The following ABCC8 variants were observed in gnomAD, a reference collection of about 807,000 sequenced individuals.
ABCC8 encodes the protein ATP binding cassette subfamily C member 8, also known as ATP-binding cassette sub-family C member 8.
In ABCC8, 137 loss-of-function variants were observed where a neutral mutation model predicts 188.0. The ratio of observed to expected loss-of-function variants is 0.73; its 90% CI spans 0.63 to 0.84. ABCC8 has a LOEUF of 0.84. Among genes scored for constraint, ABCC8 ranks in the 40% least tolerant of loss-of-function variants. The pLI is 0.00. For missense variants in ABCC8, 1,750 were observed against 2,072.7 expected (o/e 0.84, Z 3.02); for synonymous variants, 797 against 846.5 (o/e 0.94, Z 1.01).
chr11:17,466,994 A>G (rs1368353134), intron 3 of ABCC8, among the ~76,000 whole-genome samples: 1 of 151,770 alleles, frequency 6.6e-6, no homozygotes, highest in African/African-American at 2.4e-5. Flanking sequence ...ACAGAACACT[A>G]TACTTAAAAA....
At chr11:17,396,386 T>C (rs1184453177) in intron 33 of ABCC8, 3 of 317,980 alleles carry the variant, frequency 9.4e-6, no homozygotes, top group East Asian at 7.9e-5. Flanking sequence ...CGGAGACAGA[T>C]AGTGACATAG....
At chr11:17,393,422 C>T (rs932417529) in intron 38 of ABCC8, among the ~76,000 whole-genome samples, 2 of 152,220 alleles carry the variant, frequency 1.3e-5, no homozygotes. Flanking sequence ...TAACGCCAGC[C>T]TAACATATAA....
In ABCC8 at chr11:17,476,705, G is replaced by A. The variant is rs771075821; in HGVS notation, c.72C>T (p.Asn24=). Residue 24 remains asparagine (N), a synonymous_variant, in exon 1 of 39, where the codon AAC becomes AAT. Transcript: ENST00000389817. ...AYRVDQGVLN[N]GCFVDALNVV... ...CGTTGAGCGCGTCCACAAAGCAGCC[G>A]TTGTTGAGGACCCCCTGGTCCACCC... 17 of 1,611,566 alleles carry A rather than the reference G, an allele frequency of 1.1e-5. No homozygotes were observed. Among genetic ancestry groups the A allele is most frequent in the South Asian group, 8.8e-5 (8 of 90,638 alleles).
At chr11:17,445,996 C>T (rs919878545) in intron 8 of ABCC8, among the ~76,000 whole-genome samples, 7 of 146,464 alleles carry the variant, frequency 4.8e-5, no homozygotes, top group Non-Finnish European at 1.0e-4. Context: ...GACCGAGTCT[C>T]GCTCTGTTAC....
intron 21 of ABCC8, chr11:17,410,858 C>A (rs754659895): frequency 9.5e-6 from 3 of 316,180 alleles, no homozygotes; most frequent in African/African-American, 2.3e-5. Flanking sequence ...ATATCACTCT[C>A]AAACAGATCT....
At chr11:17,452,459 A>G (rs993997482) in intron 7 of ABCC8, among the ~76,000 whole-genome samples, 11 of 152,220 alleles carry the variant, frequency 7.2e-5, no homozygotes, top group African/African-American at 2.7e-4. Context: ...GTTCCACTTC[A>G]GATCATCAGG....
intron 3 of ABCC8, 119 bp downstream of exon 3, chr11:17,469,978 TTTTC>T (rs1848388277): frequency 2.3e-6 from 3 of 1,292,728 alleles, no homozygotes; most frequent in Middle Eastern, 1.8e-4. Context: ...GCAGGGATTT[TTTTC>T]TTTTTCTATT....
intron 2 of ABCC8, among the ~76,000 whole-genome samples, chr11:17,471,157 A>G (rs940379882): frequency 2.0e-5 from 3 of 152,130 alleles, no homozygotes; most frequent in African/African-American, 7.2e-5. Flanking sequence ...GGCTACTTCT[A>G]TCCAGTGTGC....
chr11:17,425,084 C>A (rs1341472350), intron 16 of ABCC8, among the ~76,000 whole-genome samples: 2 of 152,220 alleles, frequency 1.3e-5, no homozygotes, highest in African/African-American at 4.8e-5. Context: ...GCTCCTCCCT[C>A]CAAAGGCTGG....
At chr11:17,399,131 G>A (rs1954093949) in intron 29 of ABCC8, 1 of 153,934 alleles carries the variant, frequency 6.5e-6, no homozygotes, top group African/African-American at 2.4e-5. Flanking sequence ...TAGTAGCTGG[G>A]CATGGTGGTG....
intron 6 of ABCC8, among the ~76,000 whole-genome samples, chr11:17,455,223 G>A (rs1370718448): frequency 6.6e-6 from 1 of 152,174 alleles, no homozygotes; most frequent in African/African-American, 2.4e-5. Context: ...GGAACACTAT[G>A]CATCCAAGAC....
At chr11:17,428,084 G>A in intron 14 of ABCC8, 142 bp from the exon 15 acceptor site, 2 of 1,584,636 alleles carry the variant, frequency 1.3e-6, no homozygotes, top group South Asian at 1.1e-5. Flanking sequence ...AGGGGAGTGG[G>A]AGACTGGCCT....
chr11:17,464,649 A>G (rs1848035213), intron 3 of ABCC8, among the ~76,000 whole-genome samples: 1 of 152,222 alleles, frequency 6.6e-6, no homozygotes, highest in African/African-American at 2.4e-5. Flanking sequence ...GACCTGGGGA[A>G]GGTAAACCTC....
intron 34 of ABCC8, 32 bp from the exon 35 acceptor site, chr11:17,395,750 G>A (rs2133401698): frequency 6.4e-6 from 10 of 1,552,502 alleles, no homozygotes; most frequent in Non-Finnish European, 8.7e-6. Flanking sequence ...TGCAGGGGAA[G>A]GCGGTGACTG....
chr11:17,396,620 C>T (rs1446399899), intron 33 of ABCC8: 2 of 449,142 alleles, frequency 4.5e-6, no homozygotes, highest in African/African-American at 2.0e-5. Context: ...AGCCCCTGAC[C>T]ATTCGCAGAG....
intron 4 of ABCC8, 119 bp downstream of exon 4, chr11:17,463,318 TA>T: frequency 2.3e-6 from 2 of 880,212 alleles, no homozygotes; most frequent in Non-Finnish European, 3.6e-6. Flanking sequence ...CACGGGCGGG[TA>T]AAACAAGCTG....
chr11:17,402,521 G>T (rs1954296937), intron 29 of ABCC8, 140 bp downstream of exon 29: 35 of 1,543,422 alleles, frequency 2.3e-5, no homozygotes, highest in Non-Finnish European at 2.9e-5. Context: ...ATATCCCTTG[G>T]GCCTTGGGAC....
chr11:17,475,125 T>C (rs2133729779), intron 1 of ABCC8, 98 bp from the exon 2 acceptor site: 2 of 1,541,294 alleles, frequency 1.3e-6, no homozygotes, highest in South Asian at 2.3e-5. Context: ...GGGTCCATGG[T>C]GAGGGTGACA....
At chr11:17,409,829 A>C (rs190270105) in intron 22 of ABCC8, among the ~76,000 whole-genome samples, 3 of 152,336 alleles carry the variant, frequency 2.0e-5, no homozygotes, top group African/African-American at 7.2e-5. Context: ...TTAGTTAATG[A>C]GGGGTTTCAC....
Sources: gnomAD v4.1 joint callset for allele counts (sites outside exome capture counted in the v4.1 genomes callset) on GRCh38, gnomAD v4.1.1 for gene constraint, MANE v1.5 for transcripts, NCBI Gene and HGNC (gene_info 2026-07-23, HGNC 2026-07-21) for gene names.